KDM4B: variants seen among roughly 807,000 people sequenced by gnomAD.
KDM4B encodes the protein lysine-specific demethylase 4B.
Under a neutral mutation model 125.2 loss-of-function variants are expected in KDM4B, and 32 were observed. The ratio of observed to expected loss-of-function variants is 0.26; its 90% CI spans 0.19 to 0.34. The LOEUF is 0.34. Ranked by LOEUF, KDM4B falls within the 10% of genes least tolerant of loss-of-function variation. KDM4B has a pLI of 1.00. For synonymous variants in KDM4B, 721 were observed against 677.9 expected (o/e 1.06, Z -0.99); for missense variants, 1,190 against 1,577.7 (o/e 0.75, Z 4.16).
intron 2 of KDM4B, among the ~76,000 whole-genome samples, chr19:5,018,943 G>A (rs975414961): frequency 1.3e-5 from 2 of 152,248 alleles, no homozygotes; most frequent in Non-Finnish European, 2.9e-5. Flanking sequence ...GGTGCCGGGC[G>A]ACCTGCTCCC....
chr19:4,969,269 C>T (rs960854344), intron 1 of KDM4B, 39 bp downstream of exon 1: 3 of 146,722 alleles, frequency 2.0e-5, no homozygotes, highest in African/African-American at 7.3e-5. Context: ...TGTCCGAGCG[C>T]GGACCCCGCC....
intron 2 of KDM4B, among the ~76,000 whole-genome samples, chr19:5,025,705 C>T (rs1313874854): frequency 6.6e-6 from 1 of 152,206 alleles, no homozygotes; most frequent in Non-Finnish European, 1.5e-5. Context: ...TCCCTGGCTT[C>T]GCTGGGTCCT....
chr19:5,151,148 C>T (rs1051143634), intron 22 of KDM4B, among the ~76,000 whole-genome samples, 187 bp from the exon 23 acceptor site: 4 of 152,184 alleles, frequency 2.6e-5, no homozygotes, highest in South Asian at 2.1e-4. Flanking sequence ...AGGCTGGGGC[C>T]GAGTGCAGGG....
At chr19:5,106,822 A>G (rs917401099) in intron 9 of KDM4B, among the ~76,000 whole-genome samples, 1 of 152,136 alleles carries the variant, frequency 6.6e-6, no homozygotes, top group Non-Finnish European at 1.5e-5. Flanking sequence ...GAAGAAGCTT[A>G]TGGGTTCCAG....
chr19:4,969,331 C>G (rs1272605408), intron 1 of KDM4B, 101 bp downstream of exon 1: 5 of 146,058 alleles, frequency 3.4e-5, no homozygotes, highest in Admixed American at 2.0e-4. Flanking sequence ...GCCCGGGACT[C>G]GAGGCCCAGG....
rs180922990 is a variant in KDM4B at position 4,974,610 on chromosome 19, C to T, written c.-109+5380C>T. On this transcript the variant is annotated intron_variant, in intron 1 of 22. Coordinates refer to ENST00000159111, the MANE Select transcript of KDM4B (RefSeq NM_015015.3). ...AAAATCAGCCGGGCATGGTGGTGGG[C>T]GCCTGTAGTCCCAGCTACTCGGGAT... Among the ~76,000 whole-genome samples, 261 of 147,360 alleles carry T rather than the reference C, an allele frequency of 1.8e-3. 1 individual carries two copies. The highest frequency in any genetic ancestry group is 5.5e-3 in the African/African-American group (220 of 39,796).
chr19:5,101,960 A>G (rs1599187788), intron 9 of KDM4B, among the ~76,000 whole-genome samples: 2 of 152,122 alleles, frequency 1.3e-5, no homozygotes, highest in East Asian at 3.9e-4. Flanking sequence ...TGGCCTCCCC[A>G]GTAAATGATC....
intron 1 of KDM4B, among the ~76,000 whole-genome samples, chr19:4,999,153 AGTT>A (rs1183203715): frequency 2.0e-5 from 3 of 152,084 alleles, no homozygotes; most frequent in Non-Finnish European, 1.5e-5. Flanking sequence ...TGCGTTTATT[AGTT>A]GATGTCTCCT....
chr19:5,119,702 A>G lies in KDM4B; in HGVS notation c.1165A>G (p.Lys389Glu). ...QPKKPKPEDP[K>E]FPGEGTAGAA... ...CAAGAAGCCGAAGCCCGAAGACCCC[A>G]AGTTCCCTGGGGAGGGTACGGCTGG... The change falls in exon 11 of 23, where the codon AAG becomes GAG. Residue 389 changes from lysine (K) to glutamate (E), a missense_variant. This residue lies in a region of KDM4B where 428 missense variants were observed against 405.1 expected (regional missense o/e 1.06). Transcript: ENST00000159111. 1 of 1,554,850 alleles carries G rather than the reference A, an allele frequency of 6.4e-7. No homozygotes were observed. The highest frequency in any genetic ancestry group is 8.7e-7 in the Non-Finnish European group (1 of 1,148,892).
In KDM4B at chr19:5,147,603, C is replaced by A. The variant is rs576342497; in HGVS notation, c.3021+2701C>A. On this transcript the variant is annotated intron_variant, in intron 21 of 22. Coordinates refer to ENST00000159111, the MANE Select transcript of KDM4B (RefSeq NM_015015.3). ...CTACAAAAAAACAAAATTAGCTGGG[C>A]ATGGTGGCACGCACCTTTAGTCCCA... Among the ~76,000 whole-genome samples, 5 of 152,098 alleles carry A rather than the reference C, an allele frequency of 3.3e-5. No homozygotes were observed. The South Asian group carries it at 1.0e-3, about 32-fold the overall frequency.
chr19:5,031,966 T>C (rs1279807473), intron 2 of KDM4B, among the ~76,000 whole-genome samples: 2 of 152,204 alleles, frequency 1.3e-5, no homozygotes, highest in Non-Finnish European at 2.9e-5. Flanking sequence ...TGGGTTTGTG[T>C]GGACTTGGGT....
rs1555694147 is a variant in KDM4B, at chr19:5,021,154, A to AG, written c.-26+4815_-26+4816insG. ...GTGAAACTGTCTCAAAAAAAAAAAA[A>AG]AAAGAAAGAAAACACCCCTGGCTGC... is the stretch of plus-strand genomic sequence containing the variant. On this transcript the variant is annotated intron_variant, in intron 2 of 22. Coordinates refer to ENST00000159111, the MANE Select transcript of KDM4B (RefSeq NM_015015.3). Among the ~76,000 whole-genome samples the AG allele has an allele frequency of 9.0e-4, 133 of 148,044 alleles. 1 individual carries two copies. Among genetic ancestry groups the AG allele is most frequent in the East Asian group, 1.2e-3 (6 of 5,082 alleles).
chr19:4,993,447 TC>T (rs1326239364), intron 1 of KDM4B, among the ~76,000 whole-genome samples: 1 of 152,038 alleles, frequency 6.6e-6, no homozygotes, highest in Non-Finnish European at 1.5e-5. Context: ...TATTGACATC[TC>T]CAGCTATTGT....
intron 6 of KDM4B, among the ~76,000 whole-genome samples, chr19:5,058,863 T>TG (rs150396882): frequency 2.2e-4 from 34 of 152,316 alleles, no homozygotes; most frequent in African/African-American, 7.7e-4. Flanking sequence ...GCTTCCAGGC[T>TG]GTGGCATGCC....
intron 5 of KDM4B, among the ~76,000 whole-genome samples, chr19:5,043,396 G>C (rs192344103): frequency 6.8e-6 from 1 of 147,380 alleles, no homozygotes; most frequent in East Asian, 2.1e-4. Context: ...TTATCGGAGT[G>C]GGGGGGTCCA....
In KDM4B at chr19:5,151,408, T is replaced by A; in HGVS notation, c.3188T>A (p.Val1063Glu). The change falls in exon 23 of 23, where the codon GTG becomes GAG. Residue 1063 changes from valine (V) to glutamate (E), a missense_variant. Transcript: ENST00000159111. ...EEAKAAKRPR[V>E]GTPLATEDSG... ...GCCAAGGCCGCCAAGCGCCCGCGTGTGGGCACCCCGCTTGCCACGGAGGAC... is the reference window on the plus strand; with the variant it reads ...GCCAAGGCCGCCAAGCGCCCGCGTGAGGGCACCCCGCTTGCCACGGAGGAC... 6.3e-7 allele frequency: 1 copy of A among 1,580,684 alleles called. No homozygotes were observed. The highest frequency in any genetic ancestry group is 8.6e-7 in the Non-Finnish European group (1 of 1,165,952).
intron 10 of KDM4B, among the ~76,000 whole-genome samples, chr19:5,118,137 G>T (rs568820085): frequency 6.6e-6 from 1 of 152,240 alleles, no homozygotes; most frequent in African/African-American, 2.4e-5. Context: ...CAGAAGCCCC[G>T]GCAGCGGGCC....
chr19:5,093,590 G>A (rs760819798), intron 9 of KDM4B, among the ~76,000 whole-genome samples: 3 of 152,326 alleles, frequency 2.0e-5, no homozygotes, highest in Non-Finnish European at 2.9e-5. Context: ...TCCTTCCCAC[G>A]CGTTCTGTGA....
chr19:5,125,786 C>T (rs1468758537), intron 11 of KDM4B, among the ~76,000 whole-genome samples: 1 of 149,804 alleles, frequency 6.7e-6, no homozygotes, highest in Non-Finnish European at 1.5e-5. Flanking sequence ...CCCCCGCCCC[C>T]CGCCCTGGAC....
Sources: gnomAD v4.1 joint callset for allele counts (sites outside exome capture counted in the v4.1 genomes callset) on GRCh38, gnomAD v4.1.1 for gene constraint, gnomAD v4.1.1 regional missense constraint, MANE v1.5 for transcripts, NCBI Gene and HGNC (gene_info 2026-07-23, HGNC 2026-07-21) for gene names.